RIPOR2: variants seen among roughly 807,000 people sequenced by gnomAD.
RIPOR2 encodes rho family-interacting cell polarization regulator 2.
In RIPOR2, 39 loss-of-function variants were observed where a neutral mutation model predicts 114.5. The ratio of observed to expected loss-of-function variants is 0.34; its 90% CI spans 0.26 to 0.44. The LOEUF (loss-of-function observed/expected upper bound fraction) is 0.44. RIPOR2 is among the 20% of genes least tolerant of loss of function. The pLI is 1.00. For missense variants in RIPOR2, 1,007 were observed against 1,255.1 expected (o/e 0.80, Z 2.99); for synonymous variants, 445 against 484.4 (o/e 0.92, Z 1.07).
At chr6:24,892,513 G>A (rs1487399194) in intron 1 of RIPOR2, among the ~76,000 whole-genome samples, 2 of 152,128 alleles carry the variant, frequency 1.3e-5, no homozygotes, top group Non-Finnish European at 2.9e-5. Flanking sequence ...TCTATTGCCT[G>A]GCTTCTTTTG....
At chr6:25,040,122 T>TG (rs1021300400) in intron 1 of RIPOR2, among the ~76,000 whole-genome samples, 2 of 147,252 alleles carry the variant, frequency 1.4e-5, no homozygotes, top group African/African-American at 4.9e-5. Context: ...GACTTCTACT[T>TG]TTTTTTTTTT....
intron 4 of RIPOR2, among the ~76,000 whole-genome samples, chr6:24,872,360 A>T (rs1161620782): frequency 1.3e-5 from 2 of 152,068 alleles, no homozygotes; most frequent in East Asian, 3.8e-4. Context: ...CTAGATTCCA[A>T]ATTATTTATA....
rs1766510414 is a variant in RIPOR2 at position 24,883,197 on chromosome 6, AAT to A, written c.62-7382_62-7381del. On this transcript the variant is annotated intron_variant, in intron 1 of 21. Transcript: ENST00000643898. The surrounding 1 kb of genome is among the most constrained non-coding windows in gnomAD (Gnocchi z 4.1). ...TTCTGAGAGAGCCTTACTGATAGAAAATATGAGACACATCTGTGATTTCTGAA... is the reference window on the plus strand; with the variant it reads ...TTCTGAGAGAGCCTTACTGATAGAAAATGAGACACATCTGTGATTTCTGAA... Among the ~76,000 whole-genome samples, 1 of 152,260 alleles carries A rather than the reference AAT, an allele frequency of 6.6e-6. No individual in the cohort carries two copies.
chr6:24,809,983 G>C (rs1481977143), intron 20 of RIPOR2, among the ~76,000 whole-genome samples, 176 bp from the exon 21 acceptor site: 1 of 152,226 alleles, frequency 6.6e-6, no homozygotes, highest in African/African-American at 2.4e-5. Context: ...CAATTCTCCT[G>C]CCTCAGCCTC....
intron 1 of RIPOR2, among the ~76,000 whole-genome samples, chr6:24,902,501 G>A (rs1768575113): frequency 6.6e-6 from 1 of 152,080 alleles, no homozygotes; most frequent in African/African-American, 2.4e-5. Flanking sequence ...ACACGCGCAA[G>A]CCACCGCGAC....
upstream of RIPOR2, among the ~76,000 whole-genome samples, chr6:24,939,557 A>C (rs1222503413): frequency 6.6e-6 from 1 of 152,246 alleles, no homozygotes; most frequent in Non-Finnish European, 1.5e-5. Context: ...AGCTCAAAAT[A>C]GTACTTATGC....
At chr6:24,927,275 TCACCACCACCACCACCAC>T (rs749603328) in intron 1 of RIPOR2, among the ~76,000 whole-genome samples, 1 of 2,546 alleles carries the variant, frequency 3.9e-4, no homozygotes, top group African/African-American at 3.5e-3. Flanking sequence ...ACAGCTACAA[TCACCACCACCACCACCAC>T]CACCACCACC....
At chr6:24,965,873 C>G (rs554519131) in intron 1 of RIPOR2, among the ~76,000 whole-genome samples, 2 of 152,160 alleles carry the variant, frequency 1.3e-5, no homozygotes, top group South Asian at 2.1e-4. Context: ...AACTTTCAAA[C>G]GTACTCATCA....
intron 15 of RIPOR2, among the ~76,000 whole-genome samples, chr6:24,833,175 T>C (rs1361706695): frequency 1.3e-5 from 2 of 152,212 alleles, no homozygotes; most frequent in Non-Finnish European, 2.9e-5. Context: ...TAGCCATAGA[T>C]GCAGAACACA....
At chr6:24,945,192 G>A (rs1260449366) in intron 1 of RIPOR2, among the ~76,000 whole-genome samples, 1 of 151,952 alleles carries the variant, frequency 6.6e-6, no homozygotes, top group Non-Finnish European at 1.5e-5. Context: ...AAAGGGGACA[G>A]CATATATAAA....
intron 1 of RIPOR2, among the ~76,000 whole-genome samples, chr6:25,029,261 C>G (rs1481945683): frequency 6.6e-6 from 1 of 151,776 alleles, no homozygotes; most frequent in Non-Finnish European, 1.5e-5. Flanking sequence ...GCACTCCAGC[C>G]TGGCGACAGA....
chr6:24,988,121 A>G (rs1426495494), intron 1 of RIPOR2, among the ~76,000 whole-genome samples: 2 of 152,250 alleles, frequency 1.3e-5, no homozygotes, highest in African/African-American at 4.8e-5. Context: ...ATAAAATAAG[A>G]ACTAATTAAC....
chr6:25,001,399 C>A (rs544957327), intron 1 of RIPOR2, among the ~76,000 whole-genome samples: 1 of 151,790 alleles, frequency 6.6e-6, no homozygotes, highest in Non-Finnish European at 1.5e-5. Flanking sequence ...CTGAGGTGAG[C>A]GGATCACGAG....
chr6:25,017,902 C>A (rs1272584826), intron 1 of RIPOR2, among the ~76,000 whole-genome samples: 1 of 152,196 alleles, frequency 6.6e-6, no homozygotes, highest in Non-Finnish European at 1.5e-5. Context: ...CAGAAATATT[C>A]TCTTGGAAGT....
chr6:24,994,257 G>A (rs1410271985), intron 1 of RIPOR2, among the ~76,000 whole-genome samples: 1 of 152,128 alleles, frequency 6.6e-6, no homozygotes, highest in Non-Finnish European at 1.5e-5. Flanking sequence ...TAAAGGGGAT[G>A]TTAAGAAGAG....
At chr6:24,973,618 C>T (rs1004530420) in intron 1 of RIPOR2, among the ~76,000 whole-genome samples, 3 of 151,414 alleles carry the variant, frequency 2.0e-5, no homozygotes, top group Admixed American at 1.3e-4. Context: ...AAAAGTCATC[C>T]TTCTACCAAA....
chr6:24,866,189 T>C (rs922309182), intron 6 of RIPOR2, among the ~76,000 whole-genome samples: 4 of 152,236 alleles, frequency 2.6e-5, no homozygotes, highest in Admixed American at 1.3e-4. Context: ...TCAACTCTTT[T>C]TCGTGTAAAT....
At chr6:24,808,805 G>T (rs1260080486) in intron 21 of RIPOR2, among the ~76,000 whole-genome samples, 2 of 148,532 alleles carry the variant, frequency 1.3e-5, no homozygotes, top group African/African-American at 5.0e-5. Flanking sequence ...TGTCACCCAG[G>T]CTGGAATACA....
chr6:24,823,556 C>T (rs1196465920), intron 19 of RIPOR2, among the ~76,000 whole-genome samples: 1 of 152,084 alleles, frequency 6.6e-6, no homozygotes, highest in African/African-American at 2.4e-5. Context: ...TCTACAGTGT[C>T]CACAAAACCC....
Sources: gnomAD v4.1 joint callset for allele counts (sites outside exome capture counted in the v4.1 genomes callset) on GRCh38, gnomAD v4.1.1 for gene constraint, Gnocchi (gnomAD v3.1) non-coding constraint, MANE v1.5 for transcripts, NCBI Gene and HGNC (gene_info 2026-07-23, HGNC 2026-07-21) for gene names.